The following DNAH5 variants were observed in gnomAD, a reference collection of about 807,000 sequenced individuals.
DNAH5 encodes dynein axonemal heavy chain 5.
DNAH5 carries 372 observed loss-of-function variants against 518.2 expected under a neutral mutation model. The observed-to-expected ratio is 0.72, with a 90% CI of 0.66 to 0.78. The LOEUF (loss-of-function observed/expected upper bound fraction) is 0.78. Ranked by LOEUF, DNAH5 falls within the 30% of genes least tolerant of loss-of-function variation. The probability of loss-of-function intolerance (pLI) is 0.00; values close to 1 mark genes in which losing one functional copy is unlikely to be tolerated. For synonymous variants in DNAH5, 2,039 were observed against 2,025.9 expected, an observed-to-expected ratio of 1.01 and a Z score of -0.17; for missense variants, 5,523 against 5,687.0, an observed-to-expected ratio of 0.97 and a Z score of 0.93.
At position 13,717,446 on chromosome 5, in the gene DNAH5, G is replaced by T. The variant is rs748199626; in HGVS notation, c.12574C>A (p.His4192Asn). The T allele has an allele frequency of 1.2e-6, 2 of 1,614,058 alleles. No homozygotes were observed. Among genetic ancestry groups the T allele is most frequent in the Non-Finnish European group, 8.5e-7 (1 of 1,180,020 alleles). The change falls in exon 73 of 79, where the codon CAC (histidine) becomes AAC (asparagine). Residue 4192 changes from histidine (H) to asparagine (N), a missense_variant. Transcript: ENST00000265104. ...KPMLYAVAFL[H>N]STVQERRKFG... ...TTGCGCCTCTCCTGGACAGTGGAGT[G>T]CAGGAAAGCCACTGCGTACAGCATG...
At chr5:13,956,637 G>A (rs1401058570) in intron 1 of DNAH5, among the ~76,000 whole-genome samples, 31 of 152,192 alleles carry the variant, frequency 2.0e-4, no homozygotes, top group Admixed American at 1.6e-3. Context: ...CCCCTAGTTA[G>A]ACAGAAGAGA....
intron 75 of DNAH5, among the ~76,000 whole-genome samples, chr5:13,711,357 G>C (rs1259649932): frequency 6.6e-6 from 1 of 152,076 alleles, no homozygotes; most frequent in Non-Finnish European, 1.5e-5. Flanking sequence ...CGGCATACAA[G>C]GGATATACCT....
At chr5:13,739,627 A>G (rs556276796) in intron 65 of DNAH5, among the ~76,000 whole-genome samples, 1 of 152,320 alleles carries the variant, frequency 6.6e-6, no homozygotes, top group African/African-American at 2.4e-5. Context: ...GATGAATCAT[A>G]TGAAACCATA....
intron 65 of DNAH5, among the ~76,000 whole-genome samples, chr5:13,745,048 CA>C (rs1749142614): frequency 6.6e-6 from 1 of 152,088 alleles, no homozygotes; most frequent in African/African-American, 2.4e-5. Context: ...AAGGAAATCA[CA>C]CACCTGTTTG....
intron 21 of DNAH5, among the ~76,000 whole-genome samples, chr5:13,880,650 A>T (rs1487153877): frequency 6.6e-6 from 1 of 151,984 alleles, no homozygotes; most frequent in Non-Finnish European, 1.5e-5. Flanking sequence ...AAGATGTTTT[A>T]TGTAAGCCTC....
At chr5:13,714,361 T>C (rs1483649647) in intron 75 of DNAH5, 44 bp downstream of exon 75, 1 of 1,591,312 alleles carries the variant, frequency 6.3e-7, no homozygotes, top group Non-Finnish European at 8.6e-7. Flanking sequence ...CAACCGAAGA[T>C]ATGCAACCCC....
intron 1 of DNAH5, among the ~76,000 whole-genome samples, chr5:13,995,866 G>C (rs1783898125): frequency 6.6e-6 from 1 of 152,092 alleles, no homozygotes; most frequent in African/African-American, 2.4e-5. Context: ...TTTTATAATG[G>C]AGAGATGGAA....
intron 17 of DNAH5, among the ~76,000 whole-genome samples, chr5:13,889,617 A>T (rs1269703700): frequency 6.6e-6 from 1 of 152,164 alleles, no homozygotes; most frequent in East Asian, 1.9e-4. Flanking sequence ...TGAACACCTG[A>T]TTCCTTCTGG....
intron 15 of DNAH5, among the ~76,000 whole-genome samples, chr5:13,895,701 C>A (rs181873548): frequency 6.6e-6 from 1 of 152,070 alleles, no homozygotes; most frequent in South Asian, 2.1e-4. Flanking sequence ...AACACATTTA[C>A]GTCTCCAGCC....
At chr5:13,802,513 C>G (rs758390763) in intron 47 of DNAH5, among the ~76,000 whole-genome samples, 1 of 152,166 alleles carries the variant, frequency 6.6e-6, no homozygotes, top group Admixed American at 6.5e-5. Context: ...GGAAACTAAT[C>G]GGCTCCTCCT....
intron 3 of DNAH5, 124 bp from the exon 4 acceptor site, chr5:13,923,564 C>T (rs368952187): frequency 3.0e-4 from 308 of 1,022,230 alleles, no homozygotes; most frequent in Non-Finnish European, 4.3e-4. Context: ...TTAGATGGGT[C>T]CACCTCTTGA....
intron 1 of DNAH5, among the ~76,000 whole-genome samples, chr5:13,938,783 T>C (rs868394180): frequency 1.3e-5 from 2 of 152,182 alleles, no homozygotes; most frequent in Non-Finnish European, 2.9e-5. Flanking sequence ...AGTCCACAGA[T>C]AATTGATCAC....
chr5:13,809,940 C>A, intron 45 of DNAH5, 119 bp downstream of exon 45: 1 of 1,070,050 alleles, frequency 9.3e-7, no homozygotes, highest in Non-Finnish European at 1.4e-6. Context: ...CGAACGTTTT[C>A]ATATCTTACA....
intron 61 of DNAH5, among the ~76,000 whole-genome samples, chr5:13,756,533 A>G (rs556064486): frequency 2.0e-5 from 3 of 152,156 alleles, no homozygotes; most frequent in Non-Finnish European, 4.4e-5. Flanking sequence ...AAGGTAAAGT[A>G]TTTTCACTGT....
chr5:13,754,404 TA>T, intron 61 of DNAH5, 66 bp from the exon 62 acceptor site: 4 of 1,579,020 alleles, frequency 2.5e-6, no homozygotes, highest in Non-Finnish European at 2.6e-6. Flanking sequence ...CTCAAAAATA[TA>T]ATTGTAGAAC....
chr5:13,810,032 T>A, intron 45 of DNAH5, 27 bp downstream of exon 45: 1 of 1,548,160 alleles, frequency 6.5e-7, no homozygotes. Flanking sequence ...CCCCATGGGT[T>A]CCGTCTGGAC....
intron 1 of DNAH5, among the ~76,000 whole-genome samples, chr5:13,964,459 T>C (rs1352893686): frequency 6.6e-6 from 1 of 152,134 alleles, no homozygotes; most frequent in African/African-American, 2.4e-5. Flanking sequence ...GACAGGAGGA[T>C]CAGGCTCAGA....
chr5:13,880,695 C>T (rs1771536947), intron 21 of DNAH5, among the ~76,000 whole-genome samples: 1 of 150,782 alleles, frequency 6.6e-6, no homozygotes, highest in Non-Finnish European at 1.5e-5. Flanking sequence ...ATAAGAGATA[C>T]ATAAAAGAAA....
chr5:13,740,964 T>C (rs1382404212), intron 65 of DNAH5, among the ~76,000 whole-genome samples: 1 of 152,218 alleles, frequency 6.6e-6, no homozygotes, highest in Non-Finnish European at 1.5e-5. Context: ...TGTTCATTGA[T>C]AAATTCCTAA....
Sources: gnomAD v4.1 joint callset for allele counts (sites outside exome capture counted in the v4.1 genomes callset) on GRCh38, gnomAD v4.1.1 for gene constraint, MANE v1.5 for transcripts, NCBI Gene and HGNC (gene_info 2026-07-23, HGNC 2026-07-21) for gene names.